The following NTAQ1 variants were observed in gnomAD, a reference collection of about 807,000 sequenced individuals.
The protein encoded by NTAQ1 is protein N-terminal glutamine amidohydrolase.
NTAQ1 carries 21 observed loss-of-function variants against 28.2 expected under a neutral mutation model. The ratio of observed to expected loss-of-function variants is 0.74; its 90% CI spans 0.53 to 1.07. The LOEUF (loss-of-function observed/expected upper bound fraction) is 1.07. NTAQ1 is among the 50% of genes least tolerant of loss of function. NTAQ1 has a pLI of 0.00. For synonymous variants in NTAQ1, 105 were observed against 90.0 expected (o/e 1.17, Z -0.94); for missense variants, 264 against 256.6 (o/e 1.03, Z -0.20).
At chr8:123,432,373 C>T (rs1380221703) in intron 3 of NTAQ1, among the ~76,000 whole-genome samples, 2 of 152,102 alleles carry the variant, frequency 1.3e-5, no homozygotes, top group African/African-American at 4.8e-5. Context: ...GGCGTGGTGG[C>T]TCACACCTGT....
chr8:123,416,827 G>T lies in NTAQ1; in HGVS notation c.-23G>T, dbSNP rs1586919293. 3.3e-6 allele frequency: 5 copies of T among 1,523,882 alleles called. No homozygotes were observed. The East Asian group carries it at 1.3e-4, about 40-fold the overall frequency. The allele number at this position is 1,523,882 out of a possible 1,614,324, so 94.4% of individuals were successfully genotyped here. On this transcript the variant is annotated 5_prime_UTR_variant, in exon 1 of 6. Coordinates refer to ENST00000287387, the MANE Select transcript of NTAQ1 (RefSeq NM_018024.3). ...GTCCAGTCGGTCTTCCTCCGGCCCG[G>T]GCCCTGGCCCAGCTAGCCGGCCATG...
chr8:123,421,931 C>T (rs956956326), intron 1 of NTAQ1, among the ~76,000 whole-genome samples: 7 of 152,040 alleles, frequency 4.6e-5, no homozygotes, highest in African/African-American at 1.4e-4. Context: ...CCGCCTGCCT[C>T]GGCCTCCCAA....
chr8:123,452,626 G>A (rs117570899), downstream of NTAQ1, among the ~76,000 whole-genome samples: 45,959 of 151,560 alleles, frequency 0.3, 7,423 homozygotes, highest in South Asian at 0.45. Flanking sequence ...AAAAGGCTGG[G>A]CACGGTGGCT....
At chr8:123,448,619 A>G (rs2130367538), downstream of NTAQ1, among the ~76,000 whole-genome samples, 1 of 152,300 alleles carries the variant, frequency 6.6e-6, no homozygotes, top group African/African-American at 2.4e-5. Flanking sequence ...GACTCCGTCG[A>G]AAAAGAATAA....
At chr8:123,437,088 A>G in intron 4 of NTAQ1, 122 bp from the exon 5 acceptor site, 2 of 1,319,756 alleles carry the variant, frequency 1.5e-6, no homozygotes, top group South Asian at 2.9e-5. Flanking sequence ...CTGTATTACT[A>G]ACCATACAGA....
chr8:123,448,750 C>T (rs1815375944), downstream of NTAQ1, among the ~76,000 whole-genome samples: 2 of 152,174 alleles, frequency 1.3e-5, no homozygotes, highest in South Asian at 2.1e-4. Flanking sequence ...AGACGTCTAT[C>T]CAGTCCTGTT....
chr8:123,446,524 C>T (rs1262178912), downstream of NTAQ1, among the ~76,000 whole-genome samples: 3 of 138,434 alleles, frequency 2.2e-5, no homozygotes, highest in Non-Finnish European at 4.7e-5. Flanking sequence ...GTCTTTGGAG[C>T]CCTCCTCCCT....
At chr8:123,442,655 G>T (rs1167083581), downstream of NTAQ1, among the ~76,000 whole-genome samples, 2 of 151,242 alleles carry the variant, frequency 1.3e-5, no homozygotes, top group East Asian at 3.9e-4. Context: ...CCTTATGGAG[G>T]GTACAAATGT....
chr8:123,466,062 A>C (rs959780302), intron 6 of NTAQ1, among the ~76,000 whole-genome samples: 1 of 152,204 alleles, frequency 6.6e-6, no homozygotes, highest in African/African-American at 2.4e-5. Flanking sequence ...CAAAGAGTGA[A>C]GTCTGAGTGG....
Position 123,416,921 on chromosome 8 carries a change from C to T in NTAQ1, c.72C>T (p.Ser24=). Residue 24 remains serine (S), a synonymous_variant, in exon 1 of 6, where the codon AGC becomes AGT. Transcript: ENST00000287387. The part of the protein sequence containing the change: ...ASPPRDACVY[S]SCYCEENIWK... ...CCCCGCGGGACGCCTGCGTCTACAG[C>T]AGCTGCTACTGGTGAGGGGGCGCGG... 6.6e-7 allele frequency: 1 copy of T among 1,510,886 alleles called. No homozygotes were observed. The highest frequency in any genetic ancestry group is 8.9e-7 in the Non-Finnish European group (1 of 1,129,814). 93.6% of individuals were successfully genotyped at this position (1,510,886 alleles called of 1,614,324 possible).
chr8:123,436,086 T>A (rs1213453790), intron 3 of NTAQ1, among the ~76,000 whole-genome samples: 1 of 150,354 alleles, frequency 6.7e-6, no homozygotes, highest in Non-Finnish European at 1.5e-5. Context: ...AGAGAATTGC[T>A]TGAACCCGGC....
chr8:123,456,867 G>A lies in NTAQ1; in HGVS notation c.373-10212G>A, dbSNP rs542461631. Among the ~76,000 whole-genome samples, 129 of 152,092 alleles carry A rather than the reference G, an allele frequency of 8.5e-4. 1 individual carries two copies. The highest frequency in any genetic ancestry group is 1.8e-3 in the Non-Finnish European group (119 of 67,998). On this transcript the variant is annotated intron_variant, in intron 6 of 6. Transcript: ENST00000650311. Reference sequence around the variant, plus strand: ...ACCATCCCCTTTGACTTAGGAATTCGTCATCTAGGAATTTATCTTACAGAT... The same window carrying A: ...ACCATCCCCTTTGACTTAGGAATTCATCATCTAGGAATTTATCTTACAGAT...
chr8:123,457,250 A>G (rs6994095), intron 6 of NTAQ1, among the ~76,000 whole-genome samples: 55,014 of 151,872 alleles, frequency 0.36, 10,080 homozygotes, highest in East Asian at 0.56. Flanking sequence ...TATTTTTAGT[A>G]GAGACGGGGT....
At chr8:123,449,974 T>TGA (rs1554657655), downstream of NTAQ1, among the ~76,000 whole-genome samples, 742 of 56,104 alleles carry the variant, frequency 0.013, 222 homozygotes, top group African/African-American at 0.037. Context: ...TATATATATA[T>TGA]GCTGGATAAA....
At chr8:123,471,546 G>A (rs1285344281), downstream of NTAQ1, among the ~76,000 whole-genome samples, 1 of 152,144 alleles carries the variant, frequency 6.6e-6, no homozygotes, top group East Asian at 1.9e-4. Context: ...TTAGTTCCAG[G>A]CTATGTCCAA....
At chr8:123,433,155 G>A (rs1313482383) in intron 3 of NTAQ1, among the ~76,000 whole-genome samples, 2 of 152,176 alleles carry the variant, frequency 1.3e-5, no homozygotes, top group African/African-American at 2.4e-5. Flanking sequence ...GAGTGAGGCC[G>A]CTGCTCAAGC....
downstream of NTAQ1, among the ~76,000 whole-genome samples, chr8:123,443,057 TCGC>T (rs920956642): frequency 6.6e-6 from 1 of 151,572 alleles, no homozygotes; most frequent in African/African-American, 2.4e-5. Flanking sequence ...TCTCACTCTG[TCGC>T]CCAGGCTGGA....
chr8:123,459,635 A>G (rs950827190), intron 6 of NTAQ1, among the ~76,000 whole-genome samples: 2 of 152,010 alleles, frequency 1.3e-5, no homozygotes, highest in Admixed American at 6.6e-5. Flanking sequence ...AGGTGTTCCT[A>G]TTACTCAGGA....
intron 1 of NTAQ1, among the ~76,000 whole-genome samples, chr8:123,421,517 T>C (rs1813689993): frequency 6.6e-6 from 1 of 150,412 alleles, no homozygotes; most frequent in Non-Finnish European, 1.5e-5. Flanking sequence ...TTTTCCTTTT[T>C]TTTTTTTTTG....
Sources: allele counts gnomAD v4.1 joint callset (sites outside exome capture counted in the v4.1 genomes callset), GRCh38; gene constraint gnomAD v4.1.1; transcripts MANE v1.5; gene names NCBI Gene and HGNC (gene_info 2026-07-23, HGNC 2026-07-21).